Variants in PHACTR2 observed in about 807,000 individuals in gnomAD.
PHACTR2 encodes phosphatase and actin regulator 2, also known as chromosome 6 open reading frame 56.
In PHACTR2, 30 loss-of-function variants were observed where a neutral mutation model predicts 76.0. The ratio of observed to expected loss-of-function variants is 0.39; its 90% CI spans 0.30 to 0.54. PHACTR2 has a LOEUF of 0.54. Ranked by LOEUF, PHACTR2 falls within the 20% of genes least tolerant of loss-of-function variation. PHACTR2 has a pLI of 0.61. For missense variants in PHACTR2, 696 were observed against 781.1 expected (o/e 0.89, Z 1.30); for synonymous variants, 292 against 292.5 (o/e 1.00, Z 0.02).
chr6:143,565,604 CA>C (rs556657528), intron 1 of PHACTR2, among the ~76,000 whole-genome samples: 2,221 of 105,870 alleles, frequency 0.021, 40 homozygotes, highest in East Asian at 0.11. Context: ...GACTCCGTCT[CA>C]AAAAAAAAAA....
At chr6:143,635,665 G>A (rs1421185454) in intron 1 of PHACTR2, among the ~76,000 whole-genome samples, 1 of 152,160 alleles carries the variant, frequency 6.6e-6, no homozygotes, top group African/African-American at 2.4e-5. Context: ...TCTAGTGCCA[G>A]TCGTATGTAC....
chr6:143,540,865 T>C (rs1318395569), intron 1 of PHACTR2, among the ~76,000 whole-genome samples: 1 of 152,280 alleles, frequency 6.6e-6, no homozygotes, highest in Non-Finnish European at 1.5e-5. Context: ...GGATTCATTT[T>C]GCCATATGGT....
At position 143,652,506 on chromosome 6, in the gene PHACTR2, G is replaced by A. The variant is rs1776781036; in HGVS notation, c.13+44184G>A. ...GAATCTCTTCAAAGTGATGCACGCT[G>A]TGTTTTTCCCTGTGAGACGTGTGAA... On this transcript the variant is annotated intron_variant, in intron 1 of 11. Coordinates refer to the PHACTR2 transcript ENST00000305766. This position sits in a 1 kb window ranked among gnomAD's most constrained non-coding sequence, Gnocchi z 4.5. Among the ~76,000 whole-genome samples the A allele has an allele frequency of 6.6e-6, 1 of 152,226 alleles. No individual in the cohort carries two copies. Among genetic ancestry groups the A allele is most frequent in the African/African-American group, 2.4e-5 (1 of 41,468 alleles).
At chr6:143,660,962 A>T (rs1195359801) in intron 1 of PHACTR2, among the ~76,000 whole-genome samples, 1 of 152,232 alleles carries the variant, frequency 6.6e-6, no homozygotes, top group Non-Finnish European at 1.5e-5. Flanking sequence ...GAAGATGGGA[A>T]GAAAAATAAC....
rs1779319779 is a variant in PHACTR2, at chr6:143,757,153, C to T, written c.454+3241C>T. Among the ~76,000 whole-genome samples the T allele has an allele frequency of 1.3e-5, 2 of 152,126 alleles. No homozygotes were observed. Among genetic ancestry groups the T allele is most frequent in the African/African-American group, 4.8e-5 (2 of 41,420 alleles). The stretch of plus-strand genomic sequence containing the variant: ...TATTTTAAAATCTTCAATGAAATAA[C>T]AAGTGATGAACACTTATTTGTTCCA... On this transcript the variant is annotated intron_variant, in intron 4 of 12. Coordinates refer to ENST00000440869, the MANE Select transcript of PHACTR2 (RefSeq NM_001100164.2). This position sits in a 1 kb window ranked among gnomAD's most constrained non-coding sequence, Gnocchi z 4.2.
chr6:143,539,844 C>T lies in PHACTR2; in HGVS notation c.217+2637C>T, dbSNP rs187538544. 3.2e-4 allele frequency among the ~76,000 whole-genome samples: 49 copies of T among 152,302 alleles called. No homozygotes were observed. The East Asian group carries it at 8.7e-3, about 27-fold the overall frequency. ...AGTGCTGCTCTCCCACACTGGTTTTCAAACTTGGCTACACGTAGGAATTGC... is the reference window on the plus strand; with the variant it reads ...AGTGCTGCTCTCCCACACTGGTTTTTAAACTTGGCTACACGTAGGAATTGC... On this transcript the variant is annotated intron_variant, in intron 1 of 11. Coordinates refer to the PHACTR2 transcript ENST00000367584. This position sits in a 1 kb window ranked among gnomAD's most constrained non-coding sequence, Gnocchi z 4.3.
At chr6:143,568,584 A>T (rs985310806) in intron 1 of PHACTR2, among the ~76,000 whole-genome samples, 2 of 152,230 alleles carry the variant, frequency 1.3e-5, no homozygotes, top group South Asian at 4.1e-4. Context: ...GCAGAGTTCA[A>T]ATATTCAATC....
intron 1 of PHACTR2, among the ~76,000 whole-genome samples, chr6:143,702,894 T>C (rs1582788898): frequency 6.8e-6 from 1 of 147,786 alleles, no homozygotes; most frequent in Non-Finnish European, 1.5e-5. Flanking sequence ...GGTAGAGAAG[T>C]AGATTAGCTT....
In PHACTR2 at chr6:143,700,388, C is replaced by G. The variant is rs1777881174; in HGVS notation, c.47-11628C>G. On this transcript the variant is annotated intron_variant, in intron 1 of 12. Coordinates refer to ENST00000440869, the MANE Select transcript of PHACTR2 (RefSeq NM_001100164.2). The surrounding 1 kb of genome is among the most constrained non-coding windows in gnomAD (Gnocchi z 4.1). ...TGGCCAACATGGTGAAACCGCGTCT[C>G]TACTAAAAATACAGAAATTAGCAAG... 6.6e-6 allele frequency among the ~76,000 whole-genome samples: 1 copy of G among 152,054 alleles called. No individual in the cohort carries two copies. Among genetic ancestry groups the G allele is most frequent in the Non-Finnish European group, 1.5e-5 (1 of 68,022 alleles).
At chr6:143,756,734 G>T (rs1221792658) in intron 4 of PHACTR2, among the ~76,000 whole-genome samples, 1 of 147,048 alleles carries the variant, frequency 6.8e-6, no homozygotes, top group Non-Finnish European at 1.5e-5. Context: ...AAACTCACTT[G>T]CTCCCTGTTA....
At chr6:143,713,371 G>A (rs1013769356) in intron 2 of PHACTR2, among the ~76,000 whole-genome samples, 3 of 152,174 alleles carry the variant, frequency 2.0e-5, no homozygotes, top group African/African-American at 7.2e-5. Flanking sequence ...GACTGGCAAT[G>A]GGTTGTTCAA....
rs1200724284 is a variant in PHACTR2 at position 143,777,507 on chromosome 6, C to A, written c.1645+124C>A. On this transcript the variant is annotated intron_variant, in intron 9 of 12. Coordinates refer to ENST00000440869, the MANE Select transcript of PHACTR2 (RefSeq NM_001100164.2). The surrounding 1 kb of genome is among the most constrained non-coding windows in gnomAD (Gnocchi z 4.6). ...TTACTCAAGATGGACTGAAATAGTC[C>A]ATTTATGTCACATTTATATGTAATT... 2 of 441,466 alleles carry A rather than the reference C, an allele frequency of 4.5e-6. No homozygotes were observed. The highest frequency in any genetic ancestry group is 8.0e-6 in the Non-Finnish European group (2 of 249,868). The allele number at this position is 441,466 out of a possible 1,614,324, so 27.3% of individuals were successfully genotyped here.
Position 143,807,154 on chromosome 6 carries a change from T to C in PHACTR2, c.1922+21T>C. 2 of 1,468,036 alleles carry C rather than the reference T, an allele frequency of 1.4e-6. No homozygotes were observed. The highest frequency in any genetic ancestry group is 1.9e-6 in the Non-Finnish European group (2 of 1,056,370). The allele number at this position is 1,468,036 out of a possible 1,614,324, so 90.9% of individuals were successfully genotyped here. On this transcript the variant is annotated intron_variant, in intron 12 of 12. Coordinates refer to ENST00000440869, the MANE Select transcript of PHACTR2 (RefSeq NM_001100164.2). This position sits in a 1 kb window ranked among gnomAD's most constrained non-coding sequence, Gnocchi z 5.5. ...ACAAGGTAGGTGACAAAATGCAGCTTAGAAATTGAAAATGCTTAAGATGTG... is the reference window on the plus strand; with the variant it reads ...ACAAGGTAGGTGACAAAATGCAGCTCAGAAATTGAAAATGCTTAAGATGTG...
At chr6:143,635,575 A>G (rs1433391724) in intron 1 of PHACTR2, among the ~76,000 whole-genome samples, 1 of 152,214 alleles carries the variant, frequency 6.6e-6, no homozygotes, top group African/African-American at 2.4e-5. Flanking sequence ...CTCAGCAACA[A>G]TTAATATTAG....
chr6:143,569,457 G>A (rs1775414107), intron 1 of PHACTR2, among the ~76,000 whole-genome samples: 1 of 152,192 alleles, frequency 6.6e-6, no homozygotes, highest in African/African-American at 2.4e-5. Flanking sequence ...ATTTGTGACA[G>A]TGGCACAATT....
rs998974912 is a variant in PHACTR2 at position 143,596,564 on chromosome 6, C to A, written c.217+59357C>A. ...TAAGAATCACAGCCATCAGGCCGGG[C>A]ACTGTGGCTCATGCCTGTAATCCCA... is the stretch of plus-strand genomic sequence containing the variant. On this transcript the variant is annotated intron_variant, in intron 1 of 11. Coordinates refer to the PHACTR2 transcript ENST00000367584. The surrounding 1 kb of genome is among the most constrained non-coding windows in gnomAD (Gnocchi z 4.6). 6.6e-6 allele frequency among the ~76,000 whole-genome samples: 1 copy of A among 152,150 alleles called. No homozygotes were observed. The highest frequency in any genetic ancestry group is 2.4e-5 in the African/African-American group (1 of 41,420).
chr6:143,652,577 A>G lies in PHACTR2; in HGVS notation c.13+44255A>G, dbSNP rs1776782696. Among the ~76,000 whole-genome samples the G allele has an allele frequency of 6.6e-6, 1 of 152,138 alleles. No homozygotes were observed. Among genetic ancestry groups the G allele is most frequent in the African/African-American group, 2.4e-5 (1 of 41,434 alleles). On this transcript the variant is annotated intron_variant, in intron 1 of 11. Transcript: ENST00000305766. This position sits in a 1 kb window ranked among gnomAD's most constrained non-coding sequence, Gnocchi z 4.5. ...GTACACTTAAGTGTTTTTGTTTTCCACTATGCTAGGTCAGTTTTCAGATCT... is the reference window on the plus strand; with the variant it reads ...GTACACTTAAGTGTTTTTGTTTTCCGCTATGCTAGGTCAGTTTTCAGATCT...
rs1248514259 is a variant in PHACTR2, at chr6:143,722,828, C to G, written c.214+10645C>G. ...CATGAGTTCAGTTTTTTTGTTTTAGCTCCCACATATGAGTGAGAACATGCA... is the reference window on the plus strand; with the variant it reads ...CATGAGTTCAGTTTTTTTGTTTTAGGTCCCACATATGAGTGAGAACATGCA... On this transcript the variant is annotated intron_variant, in intron 2 of 12. Coordinates refer to ENST00000440869, the MANE Select transcript of PHACTR2 (RefSeq NM_001100164.2). This position sits in a 1 kb window ranked among gnomAD's most constrained non-coding sequence, Gnocchi z 4.1. 6.6e-6 allele frequency among the ~76,000 whole-genome samples: 1 copy of G among 152,192 alleles called. No individual in the cohort carries two copies. Among genetic ancestry groups the G allele is most frequent in the Non-Finnish European group, 1.5e-5 (1 of 68,040 alleles).
chr6:143,667,572 C>T (rs997100935), intron 1 of PHACTR2, among the ~76,000 whole-genome samples: 34 of 152,166 alleles, frequency 2.2e-4, no homozygotes, highest in African/African-American at 7.0e-4. Flanking sequence ...TTGCAGTTCT[C>T]CTTGAAGAGG....
Sources: gnomAD v4.1 joint callset for allele counts (sites outside exome capture counted in the v4.1 genomes callset) on GRCh38, gnomAD v4.1.1 for gene constraint, Gnocchi (gnomAD v3.1) non-coding constraint, MANE v1.5 for transcripts, NCBI Gene and HGNC (gene_info 2026-07-23, HGNC 2026-07-21) for gene names.